TMEM117: variants seen among roughly 807,000 people sequenced by gnomAD.
TMEM117 encodes the protein transmembrane protein 117.
In TMEM117, 27 loss-of-function variants were observed where a neutral mutation model predicts 52.4. The observed-to-expected ratio is 0.51, with a 90% CI of 0.38 to 0.71. The LOEUF (loss-of-function observed/expected upper bound fraction) is 0.71, where lower values mean the gene tolerates loss of function less well. Ranked by LOEUF, TMEM117 falls within the 30% of genes least tolerant of loss-of-function variation. TMEM117 has a pLI of 0.00. For missense variants in TMEM117, 556 were observed against 630.5 expected (o/e 0.88, Z 1.26); for synonymous variants, 215 against 206.3 (o/e 1.04, Z -0.36).
At chr12:44,187,724 C>G (rs538191130) in intron 4 of TMEM117, among the ~76,000 whole-genome samples, 1 of 152,142 alleles carries the variant, frequency 6.6e-6, no homozygotes, top group Non-Finnish European at 1.5e-5. Context: ...CTGAAATAAC[C>G]CTTTTGGCCA....
chr12:44,191,344 T>C (rs1949350353), intron 4 of TMEM117, among the ~76,000 whole-genome samples: 1 of 151,740 alleles, frequency 6.6e-6, no homozygotes, highest in African/African-American at 2.4e-5. Flanking sequence ...AGCCAAACCA[T>C]GTCTATCTAT....
chr12:44,103,300 C>A (rs1838976260), intron 3 of TMEM117, among the ~76,000 whole-genome samples: 1 of 149,524 alleles, frequency 6.7e-6, no homozygotes, highest in Non-Finnish European at 1.5e-5. Flanking sequence ...CTATAAAGTT[C>A]CTTCATTACA....
chr12:43,844,480 G>A (rs1943166496), intron 1 of TMEM117, 144 bp from the exon 2 acceptor site: 1 of 698,610 alleles, frequency 1.4e-6, no homozygotes, highest in Non-Finnish European at 2.3e-6. Flanking sequence ...CTCATTCTCA[G>A]ACTTGTCTTG....
intron 2 of TMEM117, among the ~76,000 whole-genome samples, chr12:43,936,132 T>A (rs1375450626): frequency 6.6e-6 from 1 of 152,152 alleles, no homozygotes; most frequent in Non-Finnish European, 1.5e-5. Context: ...TTTAGTCAGA[T>A]CTATTGGCTC....
intron 6 of TMEM117, among the ~76,000 whole-genome samples, chr12:44,337,364 T>C (rs1453007792): frequency 6.6e-6 from 1 of 152,038 alleles, no homozygotes; most frequent in Non-Finnish European, 1.5e-5. Context: ...GCTTCATGAC[T>C]TAATCACCTC....
chr12:43,964,098 A>G (rs764241077), intron 3 of TMEM117, among the ~76,000 whole-genome samples: 1 of 152,142 alleles, frequency 6.6e-6, no homozygotes, highest in Admixed American at 6.5e-5. Context: ...AGTCAGCTGG[A>G]GGGCTCTACT....
chr12:44,254,631 A>T lies in TMEM117; in HGVS notation c.608+43244A>T, dbSNP rs150375041. On this transcript the variant is annotated intron_variant, in intron 5 of 7. Coordinates refer to ENST00000266534, the MANE Select transcript of TMEM117 (RefSeq NM_032256.3). ...AGTAATTATTCTGCTTCTAGGGGCGAGTCTTAAGAAAGTACCAGATATATA... is the reference window on the plus strand; with the variant it reads ...AGTAATTATTCTGCTTCTAGGGGCGTGTCTTAAGAAAGTACCAGATATATA... 2.4e-3 allele frequency among the ~76,000 whole-genome samples: 361 copies of T among 151,868 alleles called. 11 individuals carry two copies. In the East Asian group the frequency reaches 0.034, roughly 14 times the overall value.
At chr12:44,286,367 G>A (rs1320511472) in intron 5 of TMEM117, among the ~76,000 whole-genome samples, 1 of 151,348 alleles carries the variant, frequency 6.6e-6, no homozygotes, top group East Asian at 1.9e-4. Context: ...ATCACATGAA[G>A]TTTCTATTTT....
chr12:44,361,687 A>C (rs1951722994), intron 6 of TMEM117, among the ~76,000 whole-genome samples: 1 of 152,188 alleles, frequency 6.6e-6, no homozygotes, highest in Non-Finnish European at 1.5e-5. Context: ...TTAATACATA[A>C]ATGTGAAGTT....
At chr12:44,100,362 A>T (rs1039239989) in intron 3 of TMEM117, among the ~76,000 whole-genome samples, 2 of 151,924 alleles carry the variant, frequency 1.3e-5, no homozygotes, top group African/African-American at 4.8e-5. Context: ...ACTAGCAGAG[A>T]GTTTGGAATA....
At position 44,389,048 on chromosome 12, in the gene TMEM117, CACATGGG is replaced by C; in HGVS notation, c.*377_*383del. The C allele has an allele frequency of 1.6e-5, 3 of 183,246 alleles. No homozygotes were observed. The highest frequency in any genetic ancestry group is 1.1e-4 in the Admixed American group (2 of 18,662). The allele number at this position is 183,246 out of a possible 1,614,324, so 11.4% of individuals were successfully genotyped here. A position where few individuals can be genotyped will look rare whatever the true frequency, so the allele number is the denominator to read the frequency against. ...TGTGGAACAGTTACCTAACCTATTT[CACATGGG>C]CGTTTTGTATACAACTATTTTGATC... is the stretch of plus-strand genomic sequence containing the variant. On this transcript the variant is annotated 3_prime_UTR_variant, in exon 8 of 8. Transcript: ENST00000266534.
chr12:44,110,225 C>T (rs568805146), intron 3 of TMEM117, among the ~76,000 whole-genome samples: 6 of 148,598 alleles, frequency 4.0e-5, no homozygotes, highest in Admixed American at 3.4e-4. Context: ...ATTGCCCTGG[C>T]CAGAACTTCC....
At chr12:44,172,466 G>T (rs547036780) in intron 4 of TMEM117, among the ~76,000 whole-genome samples, 1 of 152,202 alleles carries the variant, frequency 6.6e-6, no homozygotes, top group South Asian at 2.1e-4. Flanking sequence ...TCTTTACATA[G>T]CAGTTATTCT....
intron 4 of TMEM117, among the ~76,000 whole-genome samples, chr12:44,166,666 A>C (rs1224225420): frequency 6.6e-6 from 1 of 152,212 alleles, no homozygotes; most frequent in African/African-American, 2.4e-5. Context: ...TGCTGCTACA[A>C]GCCTTGCAGG....
intron 2 of TMEM117, among the ~76,000 whole-genome samples, chr12:43,872,679 C>A (rs1035124182): frequency 1.3e-5 from 2 of 152,186 alleles, no homozygotes; most frequent in South Asian, 2.1e-4. Flanking sequence ...ATTTTTGAAT[C>A]TTTCCATCTT....
chr12:43,986,308 TAGA>T (rs1184094311), intron 3 of TMEM117, among the ~76,000 whole-genome samples: 1 of 152,222 alleles, frequency 6.6e-6, no homozygotes, highest in African/African-American at 2.4e-5. Context: ...TTAATGTACT[TAGA>T]AGTACTCATG....
chr12:44,392,829 G>A (rs1042656579), downstream of TMEM117, among the ~76,000 whole-genome samples: 3 of 151,976 alleles, frequency 2.0e-5, no homozygotes, highest in African/African-American at 7.3e-5. Context: ...AGCATGATGA[G>A]ACCTGGGAGG....
chr12:44,104,207 GATTA>G (rs1297103183), intron 3 of TMEM117, among the ~76,000 whole-genome samples: 8 of 151,954 alleles, frequency 5.3e-5, no homozygotes, highest in Non-Finnish European at 1.2e-4. Flanking sequence ...AAAGTAGAAT[GATTA>G]ATTAGTATAT....
chr12:44,331,529 AAGATAAGGAACTGTT>A (rs1234974752), intron 6 of TMEM117, among the ~76,000 whole-genome samples: 1 of 152,072 alleles, frequency 6.6e-6, no homozygotes, highest in Non-Finnish European at 1.5e-5. Flanking sequence ...TTCAAGTGAT[AAGATAAGGAACTGTT>A]AGATAAGGAA....
Sources: gnomAD v4.1 joint callset for allele counts (sites outside exome capture counted in the v4.1 genomes callset) on GRCh38, gnomAD v4.1.1 for gene constraint, MANE v1.5 for transcripts, NCBI Gene and HGNC (gene_info 2026-07-23, HGNC 2026-07-21) for gene names.